The following CUL1 variants were observed in gnomAD, a reference collection of about 807,000 sequenced individuals.
CUL1 encodes cullin-1.
In CUL1, 24 loss-of-function variants were observed where a neutral mutation model predicts 118.0. The ratio of observed to expected loss-of-function variants is 0.20; its 90% CI spans 0.15 to 0.29. The LOEUF is 0.29. Among genes scored for constraint, CUL1 ranks in the 10% least tolerant of loss-of-function variants. CUL1 has a pLI of 1.00. For synonymous variants in CUL1, 332 were observed against 340.4 expected (o/e 0.98, Z 0.27); for missense variants, 361 against 933.8 (o/e 0.39, Z 7.99).
At chr7:148,730,735 C>T (rs1362942305) in intron 2 of CUL1, among the ~76,000 whole-genome samples, 1 of 152,198 alleles carries the variant, frequency 6.6e-6, no homozygotes, top group African/African-American at 2.4e-5. Flanking sequence ...TATTTACTAC[C>T]TGCCCTTTTA....
At chr7:148,727,070 C>T (rs147268476) in intron 1 of CUL1, among the ~76,000 whole-genome samples, 2,373 of 152,206 alleles carry the variant, frequency 0.016, 36 homozygotes, top group Admixed American at 0.026. Flanking sequence ...TGAGCGTAGA[C>T]GATGTCTGTT....
chr7:148,762,875 G>T (rs1388770452), intron 7 of CUL1, among the ~76,000 whole-genome samples: 2 of 152,344 alleles, frequency 1.3e-5, no homozygotes, highest in South Asian at 4.1e-4. Context: ...GGCCGGGCGC[G>T]GTGGCTCACG....
intron 1 of CUL1, among the ~76,000 whole-genome samples, chr7:148,709,210 G>C (rs916732131): frequency 1.3e-5 from 2 of 152,208 alleles, no homozygotes; most frequent in African/African-American, 4.8e-5. Context: ...AGGAGGATTT[G>C]TTTTACTGAC....
chr7:148,719,353 A>C (rs1798326146), intron 1 of CUL1, among the ~76,000 whole-genome samples: 1 of 152,150 alleles, frequency 6.6e-6, no homozygotes, highest in African/African-American at 2.4e-5. Flanking sequence ...CTAGGAAGCC[A>C]TCTATTAGGG....
chr7:148,777,567 C>T (rs1800442701), intron 9 of CUL1, among the ~76,000 whole-genome samples: 1 of 152,156 alleles, frequency 6.6e-6, no homozygotes, highest in South Asian at 2.1e-4. Flanking sequence ...TGAGTCTGCA[C>T]GTGTTGGAGA....
intron 9 of CUL1, among the ~76,000 whole-genome samples, chr7:148,774,795 C>T (rs1800343830): frequency 6.6e-6 from 1 of 152,202 alleles, no homozygotes; most frequent in Admixed American, 6.5e-5. Context: ...TGTTGGGCTG[C>T]AGACACTGAC....
intron 12 of CUL1, 30 bp downstream of exon 12, chr7:148,786,629 A>G (rs1268870349): frequency 1.3e-6 from 2 of 1,584,874 alleles, no homozygotes; most frequent in Non-Finnish European, 1.7e-6. Context: ...ACCCATTTCC[A>G]GTAGCTGTGT....
intron 4 of CUL1, among the ~76,000 whole-genome samples, chr7:148,759,020 C>A (rs1017483959): frequency 6.6e-6 from 1 of 152,160 alleles, no homozygotes; most frequent in African/African-American, 2.4e-5. Flanking sequence ...ATCACAGACT[C>A]CTAAAAATCA....
chr7:148,754,307 G>T (rs1220590167), intron 3 of CUL1, among the ~76,000 whole-genome samples, 157 bp downstream of exon 3: 1 of 152,136 alleles, frequency 6.6e-6, no homozygotes, highest in Non-Finnish European at 1.5e-5. Context: ...TTTACCTACT[G>T]TGAATATGAA....
chr7:148,734,021 G>T (rs1798856659), intron 2 of CUL1, among the ~76,000 whole-genome samples: 1 of 145,148 alleles, frequency 6.9e-6, no homozygotes, highest in African/African-American at 2.5e-5. Context: ...AGGGAATTTT[G>T]GAAAAGCCAA....
At chr7:148,775,644 A>G (rs147947981) in intron 9 of CUL1, among the ~76,000 whole-genome samples, 79 of 152,330 alleles carry the variant, frequency 5.2e-4, no homozygotes, top group Non-Finnish European at 1.0e-3. Context: ...AAGCTGATAT[A>G]TGCTGATAAT....
chr7:148,767,406 A>G (rs1219812453), intron 8 of CUL1, among the ~76,000 whole-genome samples: 4 of 152,058 alleles, frequency 2.6e-5, no homozygotes, highest in Non-Finnish European at 5.9e-5. Context: ...GTAAATTTAT[A>G]GTAAATAGTA....
intron 17 of CUL1, among the ~76,000 whole-genome samples, chr7:148,793,382 T>G (rs1263787078): frequency 6.6e-6 from 1 of 152,218 alleles, no homozygotes; most frequent in African/African-American, 2.4e-5. Flanking sequence ...ATTCACAAGC[T>G]TATAGAACTA....
chr7:148,701,606 C>T (rs1797723082), intron 1 of CUL1, among the ~76,000 whole-genome samples: 1 of 152,134 alleles, frequency 6.6e-6, no homozygotes, highest in Non-Finnish European at 1.5e-5. Context: ...AGTTAAGGCT[C>T]CTCCTTGTAG....
At chr7:148,757,644 A>G (rs1160817350) in intron 4 of CUL1, among the ~76,000 whole-genome samples, 2 of 152,204 alleles carry the variant, frequency 1.3e-5, no homozygotes, top group Non-Finnish European at 2.9e-5. Context: ...TTTTTGGTCC[A>G]TTGGTTTTCA....
At position 148,783,753 on chromosome 7, in the gene CUL1, C is replaced by G. The variant is rs141613772; in HGVS notation, c.1084-30C>G. ...ACACAATTTAATCCCCAATAACCAA[C>G]TTTTGTTTCTATTTCTGCCCCCATT... On this transcript the variant is annotated intron_variant, in intron 9 of 21. Coordinates refer to ENST00000325222, the MANE Select transcript of CUL1 (RefSeq NM_003592.3). 2.6e-3 allele frequency: 4,105 copies of G among 1,609,636 alleles called. 9 individuals carry two copies. The highest frequency in any genetic ancestry group is 3.1e-3 in the Non-Finnish European group (3,689 of 1,176,044).
chr7:148,757,172 G>T (rs370697062), intron 4 of CUL1, 22 bp downstream of exon 4: 3 of 1,398,762 alleles, frequency 2.1e-6, no homozygotes, highest in Non-Finnish European at 2.8e-6. Context: ...GTTTTAAAAC[G>T]TTTTAAATTT....
chr7:148,786,460 C>G (rs1800816741), intron 11 of CUL1, 91 bp from the exon 12 acceptor site: 2 of 997,658 alleles, frequency 2.0e-6, no homozygotes, highest in East Asian at 2.4e-5. Flanking sequence ...GAGAACTGAT[C>G]TTTTGAATGC....
At chr7:148,794,075 C>A (rs187913092) in intron 17 of CUL1, among the ~76,000 whole-genome samples, 292 of 151,574 alleles carry the variant, frequency 1.9e-3, no homozygotes, top group African/African-American at 6.9e-3. Flanking sequence ...AATTCTTTGC[C>A]CATTTTTCAG....
Sources: allele counts gnomAD v4.1 joint callset (sites outside exome capture counted in the v4.1 genomes callset), GRCh38; gene constraint gnomAD v4.1.1; transcripts MANE v1.5; gene names NCBI Gene and HGNC (gene_info 2026-07-23, HGNC 2026-07-21).